LIMCH1: variants seen among roughly 807,000 people sequenced by gnomAD.
LIMCH1 encodes LIM and calponin homology domains-containing protein 1.
LIMCH1 carries 113 observed loss-of-function variants against 176.5 expected under a neutral mutation model. The observed-to-expected ratio is 0.64, with a 90% CI of 0.55 to 0.75. The LOEUF (loss-of-function observed/expected upper bound fraction) is 0.75. LIMCH1 is among the 30% of genes least tolerant of loss of function. LIMCH1 has a pLI of 0.00. For missense variants in LIMCH1, 1,674 were observed against 1,814.9 expected, an observed-to-expected ratio of 0.92 and a Z score of 1.41; for synonymous variants, 619 against 645.9, an observed-to-expected ratio of 0.96 and a Z score of 0.63.
chr4:41,428,854 G>C (rs141151784), intron 1 of LIMCH1, among the ~76,000 whole-genome samples: 39 of 152,338 alleles, frequency 2.6e-4, no homozygotes, highest in African/African-American at 8.7e-4. Context: ...GAGAGGCATG[G>C]GGTTGAGTTG....
intron 1 of LIMCH1, among the ~76,000 whole-genome samples, chr4:41,446,212 C>T (rs1050433566): frequency 3.3e-5 from 5 of 152,034 alleles, no homozygotes; most frequent in Non-Finnish European, 7.4e-5. Flanking sequence ...TTTTGAAGCA[C>T]AGATGGGGCC....
chr4:41,626,564 A>G, intron 7 of LIMCH1, 144 bp from the exon 8 acceptor site: 1 of 709,376 alleles, frequency 1.4e-6, no homozygotes, highest in Non-Finnish European at 2.3e-6. Flanking sequence ...CTGCAATTCT[A>G]GACTGAAATA....
chr4:41,480,501 G>A (rs772358163), intron 1 of LIMCH1, among the ~76,000 whole-genome samples: 11 of 152,162 alleles, frequency 7.2e-5, no homozygotes, highest in Non-Finnish European at 7.4e-5. Flanking sequence ...CAGCTACTCG[G>A]GAGGCTGAGG....
intron 1 of LIMCH1, among the ~76,000 whole-genome samples, chr4:41,396,573 T>G (rs1371809075): frequency 3.3e-5 from 5 of 152,128 alleles, no homozygotes; most frequent in Admixed American, 6.6e-5. Flanking sequence ...CACCTGACTT[T>G]GATATTTATC....
intron 1 of LIMCH1, among the ~76,000 whole-genome samples, chr4:41,391,889 T>C (rs757065877): frequency 3.9e-5 from 6 of 152,228 alleles, no homozygotes; most frequent in Non-Finnish European, 8.8e-5. Flanking sequence ...TTCTTAGTTT[T>C]GATAAATGCA....
At chr4:41,602,260 C>T (rs999341758) in intron 2 of LIMCH1, among the ~76,000 whole-genome samples, 1 of 151,664 alleles carries the variant, frequency 6.6e-6, no homozygotes, top group Admixed American at 6.6e-5. Flanking sequence ...GACAGGCACA[C>T]AGCAAGTATT....
intron 1 of LIMCH1, among the ~76,000 whole-genome samples, chr4:41,445,134 T>G (rs563785782): frequency 6.6e-6 from 1 of 151,152 alleles, no homozygotes; most frequent in Admixed American, 6.6e-5. Flanking sequence ...GCCTCCCGAG[T>G]AGCTGGAACT....
At chr4:41,371,261 C>T (rs975528107) in intron 1 of LIMCH1, among the ~76,000 whole-genome samples, 13 of 152,016 alleles carry the variant, frequency 8.6e-5, no homozygotes, top group Admixed American at 2.0e-4. Flanking sequence ...CCGTTAGTTG[C>T]GAGGAAACAA....
chr4:41,632,179 C>T (rs2093360709), intron 10 of LIMCH1, among the ~76,000 whole-genome samples: 1 of 152,180 alleles, frequency 6.6e-6, no homozygotes, highest in African/African-American at 2.4e-5. Context: ...CCAGGAAACA[C>T]ATATAGGACA....
In LIMCH1 at chr4:41,646,904, T is replaced by A; in HGVS notation, c.2820+11T>A. Reference sequence around the variant, plus strand: ...CTGAAGACCTTTAAGGTAGGACAAGTTCCTTAAGAGTAGAACCAAAGCTGA... The same window carrying A: ...CTGAAGACCTTTAAGGTAGGACAAGATCCTTAAGAGTAGAACCAAAGCTGA... On this transcript the variant is annotated intron_variant, in intron 17 of 31. Transcript: ENST00000503057. 6.2e-7 allele frequency: 1 copy of A among 1,604,304 alleles called. No individual in the cohort carries two copies.
At chr4:41,406,867 G>T (rs2059011666) in intron 1 of LIMCH1, among the ~76,000 whole-genome samples, 1 of 152,146 alleles carries the variant, frequency 6.6e-6, no homozygotes, top group Non-Finnish European at 1.5e-5. Flanking sequence ...AGGTTTCAAT[G>T]AAAAGCTTTC....
At chr4:41,679,243 C>A (rs1006453961) in intron 23 of LIMCH1, among the ~76,000 whole-genome samples, 4 of 152,186 alleles carry the variant, frequency 2.6e-5, no homozygotes, top group Non-Finnish European at 4.4e-5. Flanking sequence ...CCCAAGGCAT[C>A]AGGAGTGTCA....
chr4:41,426,460 T>A (rs1251878899), intron 1 of LIMCH1, among the ~76,000 whole-genome samples: 1 of 152,270 alleles, frequency 6.6e-6, no homozygotes, highest in Non-Finnish European at 1.5e-5. Flanking sequence ...AGACTTTAGT[T>A]AAATTTAGGA....
At chr4:41,512,357 G>A (rs1198087825) in intron 2 of LIMCH1, among the ~76,000 whole-genome samples, 4 of 152,066 alleles carry the variant, frequency 2.6e-5, no homozygotes, top group Non-Finnish European at 5.9e-5. Flanking sequence ...TCCTCAAAAG[G>A]TTAAACATTA....
At position 41,696,899 on chromosome 4, in the gene LIMCH1, A is replaced by G. The variant is rs79255430; in HGVS notation, c.4379-261A>G. 9.5e-3 allele frequency among the ~76,000 whole-genome samples: 1,454 copies of G among 152,276 alleles called. 29 individuals carry two copies. The highest frequency in any genetic ancestry group is 0.033 in the African/African-American group (1,363 of 41,566). On this transcript the variant is annotated intron_variant, in intron 31 of 31. Transcript: ENST00000503057. ...AATCCAGAGCATTTGATCAAACTTCACAGTGCATGTGAATCACCTGGGCAC... is the reference window on the plus strand; with the variant it reads ...AATCCAGAGCATTTGATCAAACTTCGCAGTGCATGTGAATCACCTGGGCAC...
intron 1 of LIMCH1, among the ~76,000 whole-genome samples, chr4:41,371,073 A>G (rs2154097287): frequency 6.6e-6 from 1 of 152,272 alleles, no homozygotes; most frequent in East Asian, 1.9e-4. Context: ...TTATTGGAAA[A>G]AGTACCTTTG....
At chr4:41,543,333 C>T (rs904416003) in intron 1 of LIMCH1, among the ~76,000 whole-genome samples, 1 of 151,930 alleles carries the variant, frequency 6.6e-6, no homozygotes, top group African/African-American at 2.4e-5. Flanking sequence ...ACATAAAATA[C>T]ATGAAATATG....
At chr4:41,400,879 T>TA in intron 1 of LIMCH1, among the ~76,000 whole-genome samples, 1 of 152,276 alleles carries the variant, frequency 6.6e-6, no homozygotes, top group South Asian at 2.1e-4. Context: ...TTTGTTTTAT[T>TA]AAAAAAGACC....
intron 1 of LIMCH1, among the ~76,000 whole-genome samples, chr4:41,470,835 G>A (rs994833924): frequency 6.6e-6 from 1 of 151,570 alleles, no homozygotes; most frequent in Non-Finnish European, 1.5e-5. Context: ...CGCATATTTC[G>A]TTCTCTCTCT....
Sources: gnomAD v4.1 joint callset for allele counts (sites outside exome capture counted in the v4.1 genomes callset) on GRCh38, gnomAD v4.1.1 for gene constraint, MANE v1.5 for transcripts, NCBI Gene and HGNC (gene_info 2026-07-23, HGNC 2026-07-21) for gene names.